The following TMEM114 variants were observed in gnomAD, a reference collection of about 807,000 sequenced individuals.
The protein encoded by TMEM114 is claudin-26.
A neutral mutation model predicts 6.2 loss-of-function variants in TMEM114; 6 were observed. The observed-to-expected ratio is 0.97, with a 90% CI of 0.53 to 1.91. The LOEUF (loss-of-function observed/expected upper bound fraction) is 1.91. Among genes scored for constraint, TMEM114 ranks in the 40% most tolerant of loss-of-function variants. The pLI, the probability that TMEM114 is intolerant of heterozygous loss-of-function variation, is 0.01. For synonymous variants in TMEM114, 104 were observed against 73.0 expected (o/e 1.42, Z -2.16); for missense variants, 218 against 158.3 (o/e 1.38, Z -2.02).
At position 8,572,205 on chromosome 16, in the gene TMEM114, C is replaced by T; in HGVS notation, c.321G>A (p.Val107=). ...GGATCAGGCTGAGCGGCAGCAGAAT[C>T]ACAAATGTCCCATGCATGGCTTAGA... ...RQLLTMHGTF[V]ILLPLSLILM... is the part of the protein sequence containing the mutation. The change falls in exon 3 of 4, where the codon GTG becomes GTA. Residue 107 remains valine, a synonymous_variant. Coordinates refer to ENST00000620492, the MANE Select transcript of TMEM114 (RefSeq NM_001146336.2). 3 of 1,551,696 alleles carry T rather than the reference C, an allele frequency of 1.9e-6. No homozygotes were observed. Among genetic ancestry groups the T allele is most frequent in the Non-Finnish European group, 8.7e-7 (1 of 1,147,004 alleles).
intron 2 of TMEM114, among the ~76,000 whole-genome samples, chr16:8,548,772 G>A (rs750019185): frequency 4.0e-5 from 6 of 150,722 alleles, no homozygotes; most frequent in Non-Finnish European, 8.8e-5. Context: ...AAATGACCAT[G>A]TGAAATATTT....
intron 2 of TMEM114, among the ~76,000 whole-genome samples, chr16:8,558,224 G>A (rs555028979): frequency 1.3e-5 from 2 of 152,270 alleles, no homozygotes; most frequent in South Asian, 2.1e-4. Flanking sequence ...CTCCAGCCTA[G>A]GCAACAGAAT....
intron 2 of TMEM114, among the ~76,000 whole-genome samples, chr16:8,551,064 C>G (rs1190705297): frequency 2.0e-5 from 3 of 152,226 alleles, no homozygotes; most frequent in African/African-American, 7.2e-5. Flanking sequence ...TTCGCTCACT[C>G]TTCCTTGTTC....
downstream of TMEM114, among the ~76,000 whole-genome samples, chr16:8,566,495 A>G (rs996973833): frequency 6.6e-6 from 1 of 152,196 alleles, no homozygotes; most frequent in Non-Finnish European, 1.5e-5. Context: ...AGAACAGATC[A>G]GAATGGATCA....
chr16:8,554,051 G>A (rs530859442), intron 2 of TMEM114, among the ~76,000 whole-genome samples: 2 of 152,046 alleles, frequency 1.3e-5, no homozygotes, highest in African/African-American at 4.8e-5. Context: ...GTTAATTTTT[G>A]TGTTTTTTGT....
chr16:8,544,150 T>A (rs144275215), intron 2 of TMEM114, among the ~76,000 whole-genome samples: 1 of 152,248 alleles, frequency 6.6e-6, no homozygotes, highest in African/African-American at 2.4e-5. Context: ...TACTGACTTA[T>A]CAGTAGCAAG....
chr16:8,576,438 A>G (rs1343237120), intron 2 of TMEM114, among the ~76,000 whole-genome samples: 6 of 152,022 alleles, frequency 3.9e-5, no homozygotes, highest in African/African-American at 1.5e-4. Context: ...ATAAACCCCA[A>G]CTTGAACTGC....
intron 2 of TMEM114, among the ~76,000 whole-genome samples, chr16:8,580,413 G>A (rs1902097409): frequency 6.6e-6 from 1 of 151,378 alleles, no homozygotes; most frequent in Admixed American, 6.6e-5. Context: ...CTTGAACCTG[G>A]GAGGCGGAGG....
chr16:8,533,715 T>G (rs1340836089), downstream of TMEM114, among the ~76,000 whole-genome samples: 1 of 152,218 alleles, frequency 6.6e-6, no homozygotes, highest in Non-Finnish European at 1.5e-5. Flanking sequence ...CATGAACTAT[T>G]GACTTGTTAC....
At chr16:8,566,111 C>T (rs1901534465), downstream of TMEM114, among the ~76,000 whole-genome samples, 2 of 152,158 alleles carry the variant, frequency 1.3e-5, no homozygotes, top group African/African-American at 4.8e-5. Flanking sequence ...TGGCTCACGC[C>T]TGTAATCCCA....
intron 2 of TMEM114, among the ~76,000 whole-genome samples, chr16:8,587,508 T>C (rs1029136102): frequency 2.4e-4 from 37 of 152,030 alleles, no homozygotes; most frequent in African/African-American, 8.7e-4. Flanking sequence ...AGATTCCAGG[T>C]GGAGGGAACA....
rs371890250 is a variant in TMEM114, at chr16:8,563,254, T to G, written n.213-25428A>C. ...ATGAGTGAGTGAATGAGTCAGTGAG[T>G]GAATGAATGAGTCAGTGAATGAGTG... On this transcript the variant is annotated intron_variant and non_coding_transcript_variant, in intron 2 of 2. Transcript: ENST00000623677. 2.8e-3 allele frequency among the ~76,000 whole-genome samples: 421 copies of G among 150,904 alleles called. 13 individuals are homozygous for G. Among genetic ancestry groups the G allele is most frequent in the African/African-American group, 9.7e-3 (393 of 40,632 alleles).
At chr16:8,546,982 G>T (rs1035350887) in intron 2 of TMEM114, among the ~76,000 whole-genome samples, 11 of 152,160 alleles carry the variant, frequency 7.2e-5, no homozygotes, top group African/African-American at 2.7e-4. Context: ...ACTGAGCCTT[G>T]GGTAAAGGTA....
intron 2 of TMEM114, among the ~76,000 whole-genome samples, chr16:8,547,080 C>T (rs13333952): frequency 0.31 from 47,155 of 152,020 alleles, 7,621 homozygotes; most frequent in East Asian, 0.38. Flanking sequence ...AGGTAAGTGT[C>T]CTCAGGCTCT....
chr16:8,562,737 T>C (rs1481232358), intron 2 of TMEM114, among the ~76,000 whole-genome samples: 1 of 150,874 alleles, frequency 6.6e-6, no homozygotes, highest in Non-Finnish European at 1.5e-5. Flanking sequence ...AGGGAATGAG[T>C]GACGGAGTAA....
chr16:8,526,632 T>A, the TMEM114 span: 1 of 152,464 alleles, frequency 6.6e-6, no homozygotes, highest in African/African-American at 2.4e-5. Context: ...ATTGTAAGTT[T>A]CCTGAGGGCT....
chr16:8,585,427 G>A (rs1001047568), intron 2 of TMEM114, among the ~76,000 whole-genome samples: 2 of 151,872 alleles, frequency 1.3e-5, no homozygotes, highest in African/African-American at 2.4e-5. Context: ...AAAAATCAAG[G>A]TTTCTTCCCA....
intron 2 of TMEM114, among the ~76,000 whole-genome samples, chr16:8,540,137 TTAA>T (rs1900474779): frequency 6.6e-6 from 1 of 152,218 alleles, no homozygotes; most frequent in Non-Finnish European, 1.5e-5. Flanking sequence ...AATATGGTAT[TTAA>T]TAATAAGAAT....
At chr16:8,584,371 C>A (rs1047986632) in intron 2 of TMEM114, among the ~76,000 whole-genome samples, 1 of 152,166 alleles carries the variant, frequency 6.6e-6, no homozygotes, top group Non-Finnish European at 1.5e-5. Context: ...CTCCTTTCCA[C>A]CAAAAATAAT....
Sources: allele counts gnomAD v4.1 joint callset (sites outside exome capture counted in the v4.1 genomes callset), GRCh38; gene constraint gnomAD v4.1.1; transcripts MANE v1.5; gene names NCBI Gene and HGNC (gene_info 2026-07-23, HGNC 2026-07-21).